Variants in MZF1 observed in about 807,000 individuals in gnomAD.
The protein encoded by MZF1 is myeloid zinc finger 1.
In MZF1, 24 loss-of-function variants were observed where a neutral mutation model predicts 28.6. The ratio of observed to expected loss-of-function variants is 0.84; its 90% confidence interval spans 0.61 to 1.18. The LOEUF (loss-of-function observed/expected upper bound fraction) is 1.18, where lower values mean the gene tolerates loss of function less well. Among genes scored for constraint, MZF1 ranks in the 50% most tolerant of loss-of-function variants. The pLI is 0.00. For missense variants in MZF1, 1,166 were observed against 1,026.4 expected (o/e 1.14, Z -1.86); for synonymous variants, 516 against 432.5 (o/e 1.19, Z -2.40).
rs759387890 is a variant in MZF1 at position 58,562,565 on chromosome 19, C to A, written c.1712G>T (p.Cys571Phe). ...GCGGAAGGCCTTGCCACACTCGGCG[C>A]AGGCGAAGGGCCGCTCCCCGGTGTG... The part of the protein sequence containing the change: ...RIHTGERPFA[C>F]AECGKAFRQR... Residue 571 changes from cysteine (C) to phenylalanine (F), a missense_variant, in exon 6 of 6, where the codon TGC (cysteine) becomes TTC (phenylalanine). By Grantham distance (205) the Cys-to-Phe change is radical. Coordinates refer to ENST00000215057, the MANE Select transcript of MZF1 (RefSeq NM_198055.2). 2 of 1,600,242 alleles carry A rather than the reference C, an allele frequency of 1.2e-6. No individual in the cohort carries two copies. Among genetic ancestry groups the A allele is most frequent in the Non-Finnish European group, 1.7e-6 (2 of 1,175,208 alleles).
rs761975366 is a variant in MZF1 at position 58,562,987 on chromosome 19, A to T, written c.1290T>A (p.His430Gln). 6.2e-6 allele frequency: 10 copies of T among 1,602,028 alleles called. No homozygotes were observed. Among genetic ancestry groups the T allele is most frequent in the Non-Finnish European group, 8.5e-6 (10 of 1,179,656 alleles). Residue 430 changes from histidine (H) to glutamine (Q), a missense_variant, in exon 6 of 6, where the codon CAT becomes CAA. His to Gln is a conservative substitution (Grantham distance 24). Coordinates refer to ENST00000215057, the MANE Select transcript of MZF1 (RefSeq NM_198055.2). ...GFVRSARLEE[H>Q]RRVHTGEQPF... Reference sequence around the variant, plus strand: ...GCTGTTCGCCCGTGTGCACTCTCCGATGCTCTTCCAGGCGCGCGCTGCGCA... The same window carrying T: ...GCTGTTCGCCCGTGTGCACTCTCCGTTGCTCTTCCAGGCGCGCGCTGCGCA...
chr19:58,565,907 G>A (rs1214120713), intron 5 of MZF1, among the ~76,000 whole-genome samples: 27 of 146,078 alleles, frequency 1.8e-4, no homozygotes, highest in Admixed American at 4.7e-4. Context: ...TTGGGAGGCC[G>A]AGGCGGGTGG....
chr19:58,571,177 C>CT lies in MZF1; in HGVS notation c.212dup (p.Trp72ValfsTer28). The CT allele has an allele frequency of 6.2e-7, 1 of 1,613,810 alleles. No individual in the cohort carries two copies. The highest frequency in any genetic ancestry group is 8.5e-7 in the Non-Finnish European group (1 of 1,179,852). ...TGGAGCGTACCTCTGGACGCAGCCACTGGCGACACAGCTCTCGGAGCTGGG... is the reference window on the plus strand; with the variant it reads ...TGGAGCGTACCTCTGGACGCAGCCACTTGGCGACACAGCTCTCGGAGCTGGG... On this transcript the variant is annotated frameshift_variant, in exon 2 of 6. Coordinates refer to ENST00000215057, the MANE Select transcript of MZF1 (RefSeq NM_198055.2). LOFTEE classifies it high-confidence loss of function.
chr19:58,562,549 C>G lies in MZF1; in HGVS notation c.1728G>C (p.Lys576Asn), dbSNP rs2053949934. ...ERPFACAECG[K>N]AFRQRPTLTQ... The stretch of plus-strand genomic sequence containing the variant: ...TGAGCGTAGGCCGCTGGCGGAAGGC[C>G]TTGCCACACTCGGCGCAGGCGAAGG... Residue 576 changes from lysine (K) to asparagine (N), a missense_variant, in exon 6 of 6, where the codon AAG (lysine) becomes AAC (asparagine). Physicochemically the swap from Lys to Asn is moderately conservative, Grantham distance 94. Coordinates refer to ENST00000215057, the MANE Select transcript of MZF1 (RefSeq NM_198055.2). 1.2e-6 allele frequency: 2 copies of G among 1,605,550 alleles called. No individual in the cohort carries two copies. Among genetic ancestry groups the G allele is most frequent in the African/African-American group, 2.7e-5 (2 of 74,804 alleles).
chr19:58,566,818 A>G (rs554305956), intron 5 of MZF1, among the ~76,000 whole-genome samples: 19 of 152,334 alleles, frequency 1.2e-4, no homozygotes, highest in Admixed American at 9.1e-4. Flanking sequence ...TTAAATAAAT[A>G]AAGCAAGACT....
In MZF1 at chr19:58,562,204, G is replaced by GC. The variant is rs2053938178; in HGVS notation, c.2072dup (p.Gln692ProfsTer65). 1.2e-6 allele frequency: 2 copies of GC among 1,608,534 alleles called. No individual in the cohort carries two copies. Among genetic ancestry groups the GC allele is most frequent in the Non-Finnish European group, 1.7e-6 (2 of 1,179,274 alleles). On this transcript the variant is annotated frameshift_variant, in exon 6 of 6. Transcript: ENST00000215057. LOFTEE classifies it low-confidence loss of function (END_TRUNC). ...GATGCTGCGTGAGCGTGGGCCGCTG[G>GC]CGGAAGGCCTTGCCACACTCAGGGC...
Position 58,563,233 on chromosome 19 carries a change from AGTGCTGGGGCGGCCCCGGCTCCG to A in MZF1, c.1021_1043del (p.Arg341TrpfsTer6). 2 of 1,610,018 alleles carry A rather than the reference AGTGCTGGGGCGGCCCCGGCTCCG, an allele frequency of 1.2e-6. No homozygotes were observed. Among genetic ancestry groups the A allele is most frequent in the Non-Finnish European group, 1.7e-6 (2 of 1,178,750 alleles). ...GGCCGCCCCTAACCACCCCGCCCCC[AGTGCTGGGGCGGCCCCGGCTCCG>A]GCCCCTGGGGGAGCGCCAGCGGGTG... On this transcript the variant is annotated frameshift_variant, in exon 6 of 6. Coordinates refer to ENST00000215057, the MANE Select transcript of MZF1 (RefSeq NM_198055.2). LOFTEE classifies it low-confidence loss of function (END_TRUNC).
rs117935544 is a variant in MZF1 at position 58,567,204 on chromosome 19, G to A, written c.772+2073C>T. 3.0e-4 allele frequency among the ~76,000 whole-genome samples: 46 copies of A among 152,300 alleles called. 1 individual carries two copies. In the East Asian group the frequency reaches 6.9e-3, roughly 23 times the overall value. On this transcript the variant is annotated intron_variant, in intron 5 of 5. Transcript: ENST00000215057. The stretch of plus-strand genomic sequence containing the variant: ...ATTACAGGCATGAGCGGCTGCGCCT[G>A]GCTAAGAAGATTCTAAAAACTCAGG...
chr19:58,562,003 G>A lies in MZF1; in HGVS notation c.*69C>T, dbSNP rs1240525336. The A allele has an allele frequency of 2.0e-5, 29 of 1,463,706 alleles. No homozygotes were observed. Among genetic ancestry groups the A allele is most frequent in the Non-Finnish European group, 2.4e-5 (26 of 1,088,626 alleles). 90.7% of individuals were successfully genotyped at this position (1,463,706 alleles called of 1,614,324 possible). A position where few individuals can be genotyped will look rare whatever the true frequency, so the allele number is the denominator to read the frequency against. On this transcript the variant is annotated 3_prime_UTR_variant, in exon 6 of 6. Transcript: ENST00000215057. ...CGGACCTGCTTATACTTATGTAATC[G>A]CCAGCCTCACAATAACCAGGGGAGG... is the stretch of plus-strand genomic sequence containing the variant.
chr19:58,562,164 G>A lies in MZF1; in HGVS notation c.2113C>T (p.Arg705Ter), dbSNP rs138274172. 6.3e-7 allele frequency: 1 copy of A among 1,596,350 alleles called. No homozygotes were observed. Among genetic ancestry groups the A allele is most frequent in the Non-Finnish European group, 8.5e-7 (1 of 1,174,500 alleles). Residue 705 changes from arginine (R) to a stop codon, truncating the protein, a stop_gained, in exon 6 of 6, where the codon CGA (arginine) becomes TGA (stop). Coordinates refer to ENST00000215057, the MANE Select transcript of MZF1 (RefSeq NM_198055.2). LOFTEE classifies it low-confidence loss of function (END_TRUNC). ...TCCTGGCAGGCGAAGGGCTTCTCTC[G>A]TCGGTGGGTGCGCAGATGCTGCGTG... ...TLTQHLRTHRREKPFACQDCG... is the reference protein window; with the variant it reads ...TLTQHLRTHR
Position 58,563,187 on chromosome 19 carries a change from C to G in MZF1, c.1090G>C (p.Val364Leu). 1 of 1,611,294 alleles carries G rather than the reference C, an allele frequency of 6.2e-7. No individual in the cohort carries two copies. The highest frequency in any genetic ancestry group is 1.7e-5 in the Admixed American group (1 of 59,936). The change falls in exon 6 of 6, where the codon GTG (valine) becomes CTG (leucine). Residue 364 changes from valine to leucine, a missense_variant. Coordinates refer to ENST00000215057, the MANE Select transcript of MZF1 (RefSeq NM_198055.2). Reference protein sequence around the residue: ...RGGRCDVCGKVFSQRSNLLRH... With the variant: ...RGGRCDVCGKLFSQRSNLLRH... ...AGCAGGTTGCTGCGTTGGCTGAACA[C>G]CTTGCCACATACATCGCAACGGCCG... is the stretch of plus-strand genomic sequence containing the variant.
rs2054136667 is a variant in MZF1 at position 58,570,415 on chromosome 19, G to A, written c.509C>T (p.Pro170Leu). The change falls in exon 3 of 6, where the codon CCT becomes CTT. Residue 170 changes from proline to leucine, a missense_variant. Transcript: ENST00000215057. ...TGGTGATTCCTGCATAGTCCTAGGA[G>A]GTGTCTTGGGCCCAGGCTCTGGAGT... ...PPTPEPGPKT[P>L]PRTMQESPLG... 6.2e-7 allele frequency: 1 copy of A among 1,613,926 alleles called. No individual in the cohort carries two copies. The highest frequency in any genetic ancestry group is 8.5e-7 in the Non-Finnish European group (1 of 1,179,880).
intron 5 of MZF1, 27 bp from the exon 6 acceptor site, chr19:58,563,531 C>A: frequency 6.7e-7 from 1 of 1,490,142 alleles, no homozygotes; most frequent in South Asian, 1.3e-5. Flanking sequence ...ACCATTCATT[C>A]ATGACAGAAT....
intron 2 of MZF1, 184 bp downstream of exon 2, chr19:58,570,810 G>T (rs776702607): frequency 3.3e-5 from 23 of 688,914 alleles, no homozygotes; most frequent in Non-Finnish European, 4.6e-5. Context: ...ATGCAGGAAT[G>T]GGCTGGGGAG....
In MZF1 at chr19:58,562,869, C is replaced by A; in HGVS notation, c.1408G>T (p.Ala470Ser). 1 of 1,543,638 alleles carries A rather than the reference C, an allele frequency of 6.5e-7. No homozygotes were observed. Among genetic ancestry groups the A allele is most frequent in the South Asian group, 1.2e-5 (1 of 85,228 alleles). ...RIHGDPPGPG[A>S]KPPAPPGAPE... ...GCACCAGGAGGGGCCGGGGGCTTAG[C>A]GCCAGGGCCCGGGGGATCGCCGTGG... The change falls in exon 6 of 6, where the codon GCT becomes TCT. Residue 470 changes from alanine (A) to serine (S), a missense_variant. By Grantham distance (99) the Ala-to-Ser change is moderately conservative. Coordinates refer to ENST00000215057, the MANE Select transcript of MZF1 (RefSeq NM_198055.2).
Position 58,563,197 on chromosome 19 carries a change from T to TA in MZF1, c.1079dup (p.Cys361MetfsTer21). The TA allele has an allele frequency of 6.2e-7, 1 of 1,611,388 alleles. No individual in the cohort carries two copies. Among genetic ancestry groups the TA allele is most frequent in the Non-Finnish European group, 8.5e-7 (1 of 1,179,606 alleles). ...TGCGTTGGCTGAACACCTTGCCACA[T>TA]ACATCGCAACGGCCGCCCCTAACCA... On this transcript the variant is annotated frameshift_variant, in exon 6 of 6. Coordinates refer to ENST00000215057, the MANE Select transcript of MZF1 (RefSeq NM_198055.2). LOFTEE classifies it low-confidence loss of function (END_TRUNC).
At position 58,563,131 on chromosome 19, in the gene MZF1, T is replaced by C; in HGVS notation, c.1146A>G (p.Arg382=). ...LRHQKIHTGE[R]PFVCSECGRS... is the part of the protein sequence containing the mutation. ...GGCCGCACTCGCTGCACACGAATGG[T>C]CGCTCACCCGTGTGGATCTTCTGGT... is the stretch of plus-strand genomic sequence containing the variant. Residue 382 remains arginine (R), a synonymous_variant, in exon 6 of 6, where the codon CGA becomes CGG. Coordinates refer to ENST00000215057, the MANE Select transcript of MZF1 (RefSeq NM_198055.2). 1 of 1,608,280 alleles carries C rather than the reference T, an allele frequency of 6.2e-7. No homozygotes were observed. The highest frequency in any genetic ancestry group is 1.3e-5 in the African/African-American group (1 of 75,024).
intron 5 of MZF1, among the ~76,000 whole-genome samples, chr19:58,567,962 T>C (rs774115198): frequency 8.6e-5 from 13 of 151,992 alleles, no homozygotes; most frequent in Admixed American, 1.3e-4. Flanking sequence ...AGAGACCAGA[T>C]GAAGTAGCTC....
intron 5 of MZF1, chr19:58,564,536 G>C (rs1294295283): frequency 1.1e-4 from 16 of 152,198 alleles, no homozygotes; most frequent in Admixed American, 9.2e-4. Context: ...CTCCTAGTAA[G>C]AAAAATGCAC....
Sources: allele counts gnomAD v4.1 joint callset (sites outside exome capture counted in the v4.1 genomes callset), GRCh38; gene constraint gnomAD v4.1.1; transcripts MANE v1.5; gene names NCBI Gene and HGNC (gene_info 2026-07-23, HGNC 2026-07-21).